Variants in SYTL5 observed in about 807,000 individuals in gnomAD.
The protein encoded by SYTL5 is synaptotagmin like 5.
A neutral mutation model predicts 55.9 loss-of-function variants in SYTL5; 34 were observed. That is an observed-to-expected ratio of 0.61 (90% confidence interval 0.46 to 0.81). The LOEUF (loss-of-function observed/expected upper bound fraction) is 0.81, where lower values mean the gene tolerates loss of function less well. SYTL5 is among the 30% of genes least tolerant of loss of function. The pLI is 0.00. For missense variants in SYTL5, 637 were observed against 546.7 expected, an observed-to-expected ratio of 1.17 and a Z score of -1.65; for synonymous variants, 221 against 188.7, an observed-to-expected ratio of 1.17 and a Z score of -1.40.
the SYTL5 span, among the ~76,000 whole-genome samples, chrX:37,985,947 G>T: frequency 2.7e-5 from 3 of 110,864 alleles, no homozygotes; most frequent in Non-Finnish European, 3.8e-5. Flanking sequence ...TGGTATAACT[G>T]CATAGCCACA....
At chrX:37,993,403 G>A in the SYTL5 span, among the ~76,000 whole-genome samples, 14 of 112,323 alleles carry the variant, frequency 1.2e-4, no homozygotes, top group Admixed American at 1.2e-3. Context: ...AACCAAGCAT[G>A]AAGCACACAT....
At chrX:38,109,072 C>T (rs1000369628) in intron 12 of SYTL5, among the ~76,000 whole-genome samples, 3 of 111,878 alleles carry the variant, frequency 2.7e-5, no homozygotes, top group Non-Finnish European at 5.6e-5. Flanking sequence ...TCACTTTGCA[C>T]GCATTCATTG....
chrX:38,090,204 G>A (rs2147509917), intron 7 of SYTL5, among the ~76,000 whole-genome samples: 1 of 112,153 alleles, frequency 8.9e-6, no homozygotes, highest in East Asian at 2.8e-4. Context: ...GATCCTCTCT[G>A]TTACTTCTTA....
At chrX:38,007,518 A>G (rs1934031154) in intron 1 of SYTL5, among the ~76,000 whole-genome samples, 1 of 111,993 alleles carries the variant, frequency 8.9e-6, no homozygotes, top group African/African-American at 3.2e-5. Context: ...ATATATTTAT[A>G]GCATTCAAAA....
intron 13 of SYTL5, among the ~76,000 whole-genome samples, chrX:38,111,395 A>C (rs780392231): frequency 8.9e-6 from 1 of 112,120 alleles, no homozygotes; most frequent in East Asian, 2.8e-4. Flanking sequence ...TATTGGGAAC[A>C]TTGTAAGCTC....
intron 1 of SYTL5, among the ~76,000 whole-genome samples, chrX:38,030,328 G>A (rs1316429117): frequency 1.8e-5 from 2 of 111,709 alleles, no homozygotes; most frequent in African/African-American, 6.5e-5. Context: ...ATTTTTAAAG[G>A]AATCTATCCA....
At chrX:38,045,540 A>T (rs923748845) in intron 2 of SYTL5, among the ~76,000 whole-genome samples, 2 of 111,868 alleles carry the variant, frequency 1.8e-5, no homozygotes, top group African/African-American at 6.5e-5. Context: ...GTATATTCCT[A>T]TGAGCCAAGC....
intron 6 of SYTL5, among the ~76,000 whole-genome samples, chrX:38,077,916 C>A (rs1038435285): frequency 9.0e-6 from 1 of 111,503 alleles, no homozygotes; most frequent in African/African-American, 3.3e-5. Flanking sequence ...ATCTATAATC[C>A]CAATGCTTTA....
the SYTL5 span, chrX:37,990,832 C>A: frequency 7.6e-6 from 9 of 1,187,096 alleles, no homozygotes; most frequent in Non-Finnish European, 9.1e-6. Context: ...CCAAACCCAG[C>A]AAACATCATG....
At chrX:38,094,213 T>C in intron 7 of SYTL5, 82 bp from the exon 8 acceptor site, 1 of 898,452 alleles carries the variant, frequency 1.1e-6, no homozygotes. Context: ...AAGGTGTTTA[T>C]ACTGAAGTAT....
At chrX:38,120,171 TA>T (rs1269097222) in intron 13 of SYTL5, among the ~76,000 whole-genome samples, 186 bp from the exon 14 acceptor site, 1 of 112,577 alleles carries the variant, frequency 8.9e-6, no homozygotes, top group East Asian at 2.8e-4. Context: ...AATGCCTTCA[TA>T]GAGTTTTCCA....
At chrX:38,075,356 A>G (rs937500892) in intron 5 of SYTL5, among the ~76,000 whole-genome samples, 2 of 111,894 alleles carry the variant, frequency 1.8e-5, no homozygotes, top group African/African-American at 3.2e-5. Flanking sequence ...TGAGCTTCCT[A>G]AAAGCCTTTC....
At chrX:37,970,365 T>C in the SYTL5 span, among the ~76,000 whole-genome samples, 1 of 109,716 alleles carries the variant, frequency 9.1e-6, no homozygotes, top group Non-Finnish European at 1.9e-5. Flanking sequence ...TTTTTTTTTT[T>C]TTTACCAAAA....
intron 2 of SYTL5, among the ~76,000 whole-genome samples, chrX:38,038,789 A>T (rs1935194488): frequency 8.9e-6 from 1 of 112,423 alleles, no homozygotes; most frequent in Non-Finnish European, 1.9e-5. Flanking sequence ...ACTGAAAAAG[A>T]TTACAAAGAA....
chrX:37,936,001 C>T, the SYTL5 span, among the ~76,000 whole-genome samples: 5 of 111,700 alleles, frequency 4.5e-5, no homozygotes, highest in Admixed American at 4.7e-4. Flanking sequence ...TTCAAAGTCA[C>T]AAATATGTCG....
chrX:38,026,527 T>A (rs1290528099), intron 1 of SYTL5, among the ~76,000 whole-genome samples: 1 of 112,006 alleles, frequency 8.9e-6, no homozygotes, highest in Non-Finnish European at 1.9e-5. Context: ...AGTAAAGGAA[T>A]AAAAGAATGG....
intron 3 of SYTL5, among the ~76,000 whole-genome samples, chrX:38,064,644 C>A (rs762936915): frequency 2.7e-5 from 3 of 111,224 alleles, no homozygotes; most frequent in East Asian, 5.6e-4. Flanking sequence ...CATCAAATTT[C>A]TTTTGGTTAA....
the SYTL5 span, among the ~76,000 whole-genome samples, chrX:37,974,046 T>C: frequency 9.0e-6 from 1 of 111,078 alleles, no homozygotes; most frequent in African/African-American, 3.3e-5. Flanking sequence ...CAGGGGTTGG[T>C]GGGTAGGAGA....
chrX:38,091,131 G>A (rs1325979107), intron 7 of SYTL5, among the ~76,000 whole-genome samples: 1 of 111,933 alleles, frequency 8.9e-6, no homozygotes, highest in Non-Finnish European at 1.9e-5. Flanking sequence ...CTGAGAAGCA[G>A]CTGTAGGAGA....
Sources: allele counts gnomAD v4.1 joint callset (sites outside exome capture counted in the v4.1 genomes callset), GRCh38; gene constraint gnomAD v4.1.1; transcripts MANE v1.5; gene names NCBI Gene and HGNC (gene_info 2026-07-23, HGNC 2026-07-21).